The following FRYL variants were observed in gnomAD, a reference collection of about 807,000 sequenced individuals.
The protein encoded by FRYL is protein furry homolog-like.
Under a neutral mutation model 351.2 loss-of-function variants are expected in FRYL, and 150 were observed. The ratio of observed to expected loss-of-function variants is 0.43; its 90% CI spans 0.37 to 0.49. The LOEUF is 0.49. Among genes scored for constraint, FRYL ranks in the 20% least tolerant of loss-of-function variants. FRYL has a pLI of 0.00. For synonymous variants in FRYL, 1,153 were observed against 1,257.1 expected, an observed-to-expected ratio of 0.92 and a Z score of 1.75; for missense variants, 3,036 against 3,619.3, an observed-to-expected ratio of 0.84 and a Z score of 4.13.
At chr4:48,722,294 T>C (rs1453551814) in intron 1 of FRYL, among the ~76,000 whole-genome samples, 3 of 152,230 alleles carry the variant, frequency 2.0e-5, no homozygotes, top group Non-Finnish European at 2.9e-5. Flanking sequence ...TAACTATATT[T>C]ACCAAAATAC....
intron 7 of FRYL, among the ~76,000 whole-genome samples, chr4:48,615,473 CAT>C (rs1213355254): frequency 2.0e-5 from 3 of 152,176 alleles, no homozygotes; most frequent in African/African-American, 7.2e-5. Context: ...AAAGAATGAA[CAT>C]ATGACTAAAA....
At chr4:48,705,710 G>T (rs1328664920) in intron 2 of FRYL, among the ~76,000 whole-genome samples, 1 of 152,110 alleles carries the variant, frequency 6.6e-6, no homozygotes, top group African/African-American at 2.4e-5. Flanking sequence ...GAACTTAATT[G>T]TATATCCAGT....
rs774707803 is a variant in FRYL, at chr4:48,504,131, G to GTA, written c.8464-1288_8464-1287dup. Among the ~76,000 whole-genome samples, 4 of 151,950 alleles carry GTA rather than the reference G, an allele frequency of 2.6e-5. No individual in the cohort carries two copies. The South Asian group carries it at 6.2e-4, about 24-fold the overall frequency. ...TTTTTGTGGATGAGTGTGTGTGTGT[G>GTA]TATATATATGCACATTTTAAAGTAT... On this transcript the variant is annotated intron_variant, in intron 60 of 63. Coordinates refer to ENST00000358350, the MANE Select transcript of FRYL (RefSeq NM_015030.2).
intron 61 of FRYL, 103 bp from the exon 62 acceptor site, chr4:48,501,836 C>A: frequency 1.3e-6 from 1 of 748,042 alleles, no homozygotes; most frequent in South Asian, 1.6e-5. Flanking sequence ...TATTTTTCTG[C>A]AGTAAGGAAG....
intron 47 of FRYL, among the ~76,000 whole-genome samples, chr4:48,537,191 T>C (rs1404074736): frequency 2.6e-5 from 4 of 152,202 alleles, no homozygotes; most frequent in African/African-American, 9.6e-5. Context: ...TAAAACATTC[T>C]TAGAGAATTC....
chr4:48,707,085 T>C (rs898324360), intron 2 of FRYL, among the ~76,000 whole-genome samples: 1 of 152,158 alleles, frequency 6.6e-6, no homozygotes. Flanking sequence ...AGTTTCAGGG[T>C]AGTTTGTTAC....
At chr4:48,727,356 C>T (rs1770194167) in intron 1 of FRYL, 2 of 152,190 alleles carry the variant, frequency 1.3e-5, no homozygotes, top group Admixed American at 1.3e-4. Flanking sequence ...GAAATGAGGT[C>T]ATAAGGCAAA....
chr4:48,704,429 C>T (rs1309131613), intron 2 of FRYL, among the ~76,000 whole-genome samples: 1 of 152,164 alleles, frequency 6.6e-6, no homozygotes, highest in East Asian at 1.9e-4. Context: ...AAAAAAGGCA[C>T]TCTCATACAT....
At position 48,540,563 on chromosome 4, in the gene FRYL, G is replaced by T. The variant is rs116475416; in HGVS notation, c.6085C>A (p.Leu2029Met). ...YLLALRLLNK[L>M]LIHLPLDKSE... Reference sequence around the variant, plus strand: ...TTATCCAAAGGCAAATGGATAAGCAGTTTGTTGAGAAGCCTGAGAGCCAGG... The same window carrying T: ...TTATCCAAAGGCAAATGGATAAGCATTTTGTTGAGAAGCCTGAGAGCCAGG... Residue 2029 changes from leucine to methionine, a missense_variant, in exon 46 of 64, where the codon CTG becomes ATG. By Grantham distance (15) the Leu-to-Met change is conservative (BLOSUM62 2). Transcript: ENST00000358350. 1 of 1,613,966 alleles carries T rather than the reference G, an allele frequency of 6.2e-7. No individual in the cohort carries two copies. The highest frequency in any genetic ancestry group is 1.3e-5 in the African/African-American group (1 of 75,042).
chr4:48,767,164 T>C (rs1775047082), intron 1 of FRYL, among the ~76,000 whole-genome samples: 1 of 152,090 alleles, frequency 6.6e-6, no homozygotes, highest in South Asian at 2.1e-4. Context: ...TACAGGTTTC[T>C]GCTTCTGGGT....
chr4:48,715,818 T>A (rs1269423999), intron 1 of FRYL, among the ~76,000 whole-genome samples: 2 of 152,148 alleles, frequency 1.3e-5, no homozygotes, highest in Non-Finnish European at 2.9e-5. Flanking sequence ...CATCGCCAAG[T>A]CAATCCTAAG....
rs751490521 is a variant in FRYL at position 48,502,836 on chromosome 4, T to C, written c.8473A>G (p.Ile2825Val). 1.3e-5 allele frequency: 21 copies of C among 1,610,652 alleles called. No homozygotes were observed. The highest frequency in any genetic ancestry group is 1.8e-5 in the Non-Finnish European group (21 of 1,177,858). Reference protein sequence around the residue: ...RINTDAQQMEILAELELCRRL... With the variant: ...RINTDAQQMEVLAELELCRRL... ...CAAGACAGGTCACTTACTGCTAGTA[T>C]TTCCATTTGCTAAGCAAGAAGGTGA... Residue 2825 changes from isoleucine (I) to valine (V), a missense_variant, in exon 61 of 64, where the codon ATA (isoleucine) becomes GTA (valine). Ile to Val is a conservative substitution (Grantham distance 29). Coordinates refer to ENST00000358350, the MANE Select transcript of FRYL (RefSeq NM_015030.2).
chr4:48,674,727 A>G (rs1763276232), intron 3 of FRYL, among the ~76,000 whole-genome samples: 1 of 59,464 alleles, frequency 1.7e-5, no homozygotes, highest in South Asian at 8.5e-4. Context: ...ACAGAGCAAG[A>G]CTCTGTCTCA....
chr4:48,675,648 C>T (rs1763527758), intron 3 of FRYL, among the ~76,000 whole-genome samples: 1 of 152,190 alleles, frequency 6.6e-6, no homozygotes, highest in African/African-American at 2.4e-5. Context: ...TCCTGTGTGG[C>T]CCTAGCCTCC....
At chr4:48,744,000 C>G (rs1441153783) in intron 1 of FRYL, among the ~76,000 whole-genome samples, 1 of 152,218 alleles carries the variant, frequency 6.6e-6, no homozygotes, top group Non-Finnish European at 1.5e-5. Context: ...CACACATACA[C>G]ATTTTTGGTT....
Position 48,582,601 on chromosome 4 carries a change from C to T in FRYL, c.1882G>A (p.Asp628Asn). The change falls in exon 20 of 64, where the codon GAT (aspartate) becomes AAT (asparagine). Residue 628 changes from aspartate to asparagine, a missense_variant. Around this residue, in one of 7 missense-constraint regions of FRYL, gnomAD observed 492 missense variants for 551.5 expected, o/e 0.89. Transcript: ENST00000358350. ...FVYFIVREVTDVHPTLLDNAV... is the reference protein window; with the variant it reads ...FVYFIVREVTNVHPTLLDNAV... ...TTATCAAGAAGTGTGGGATGGACAT[C>T]AGTCACTTCACGAACAATAAAATAA... 9 of 1,613,900 alleles carry T rather than the reference C, an allele frequency of 5.6e-6. No homozygotes were observed. Among genetic ancestry groups the T allele is most frequent in the Non-Finnish European group, 7.6e-6 (9 of 1,179,820 alleles).
intron 1 of FRYL, among the ~76,000 whole-genome samples, chr4:48,715,881 A>G (rs1253126902): frequency 6.6e-6 from 1 of 152,234 alleles, no homozygotes; most frequent in Non-Finnish European, 1.5e-5. Flanking sequence ...ACTATACTAC[A>G]AGGCTACAGT....
At chr4:48,507,703 AAGATAGATAGATGATAGAT>A (rs1478953333) in intron 59 of FRYL, among the ~76,000 whole-genome samples, 10 of 151,652 alleles carry the variant, frequency 6.6e-5, no homozygotes, top group African/African-American at 9.7e-5. Flanking sequence ...ACAGTTTTCA[AAGATAGATAGATGATAGAT>A]AGATAGATAG....
At chr4:48,688,391 G>T (rs6830848) in intron 2 of FRYL, among the ~76,000 whole-genome samples, 62,643 of 152,004 alleles carry the variant, frequency 0.41, 14,233 homozygotes, top group Admixed American at 0.55. Flanking sequence ...GCCAAAGATG[G>T]TGTAAAACAA....
Sources: gnomAD v4.1 joint callset for allele counts (sites outside exome capture counted in the v4.1 genomes callset) on GRCh38, gnomAD v4.1.1 for gene constraint, gnomAD v4.1.1 regional missense constraint, MANE v1.5 for transcripts, NCBI Gene and HGNC (gene_info 2026-07-23, HGNC 2026-07-21) for gene names.